ILRUN: variants seen among roughly 807,000 people sequenced by gnomAD.
The protein encoded by ILRUN is protein ILRUN.
In ILRUN, 3 loss-of-function variants were observed where a neutral mutation model predicts 33.8. That is an observed-to-expected ratio of 0.09 (90% confidence interval 0.04 to 0.23). The LOEUF (loss-of-function observed/expected upper bound fraction) is 0.23, where lower values mean the gene tolerates loss of function less well. Ranked by LOEUF, ILRUN falls within the 10% of genes least tolerant of loss-of-function variation. The pLI, the probability that ILRUN is intolerant of heterozygous loss-of-function variation, is 1.00. For synonymous variants in ILRUN, 124 were observed against 138.9 expected, an observed-to-expected ratio of 0.89 and a Z score of 0.75; for missense variants, 210 against 375.1, an observed-to-expected ratio of 0.56 and a Z score of 3.64.
chr6:34,620,865 T>C (rs1473156312), intron 3 of ILRUN, among the ~76,000 whole-genome samples: 1 of 152,244 alleles, frequency 6.6e-6, no homozygotes, highest in African/African-American at 2.4e-5. Context: ...TGATAAATTA[T>C]GTTGATAACA....
At chr6:34,674,072 C>A (rs1014357320) in intron 1 of ILRUN, among the ~76,000 whole-genome samples, 1 of 152,118 alleles carries the variant, frequency 6.6e-6, no homozygotes, top group African/African-American at 2.4e-5. Flanking sequence ...CTGTCACCCA[C>A]GCTGGAGGGC....
At chr6:34,679,551 C>T (rs187942379) in intron 1 of ILRUN, among the ~76,000 whole-genome samples, 70 of 152,226 alleles carry the variant, frequency 4.6e-4, no homozygotes, top group African/African-American at 1.7e-3. Flanking sequence ...TAGAATACTA[C>T]AAAATCTTTA....
At chr6:34,684,672 G>C (rs1763477761) in intron 1 of ILRUN, among the ~76,000 whole-genome samples, 1 of 152,072 alleles carries the variant, frequency 6.6e-6, no homozygotes, top group South Asian at 2.1e-4. Context: ...CTAAGAACAG[G>C]ATCAGTATGT....
intron 1 of ILRUN, 110 bp from the exon 2 acceptor site, chr6:34,654,889 C>T: frequency 5.8e-6 from 6 of 1,038,772 alleles, no homozygotes; most frequent in Non-Finnish European, 8.2e-6. Flanking sequence ...GAACCTGAGG[C>T]TCCTGGTATA....
At chr6:34,689,057 C>G (rs1763590192) in intron 1 of ILRUN, among the ~76,000 whole-genome samples, 1 of 152,126 alleles carries the variant, frequency 6.6e-6, no homozygotes, top group Non-Finnish European at 1.5e-5. Context: ...GTCCTTTACA[C>G]CGGCTTAATG....
At chr6:34,695,175 C>T (rs1448076214) in intron 1 of ILRUN, among the ~76,000 whole-genome samples, 1 of 152,072 alleles carries the variant, frequency 6.6e-6, no homozygotes, top group Non-Finnish European at 1.5e-5. Flanking sequence ...AGTAGGCTTA[C>T]AGCCTCTTTT....
At chr6:34,637,223 G>A (rs1762382372) in intron 3 of ILRUN, among the ~76,000 whole-genome samples, 1 of 152,086 alleles carries the variant, frequency 6.6e-6, no homozygotes, top group South Asian at 2.1e-4. Context: ...TCTGGCCTAA[G>A]CTATAGTCCT....
chr6:34,619,936 G>C (rs527642296), intron 3 of ILRUN, among the ~76,000 whole-genome samples: 1 of 143,114 alleles, frequency 7.0e-6, no homozygotes, highest in Non-Finnish European at 1.5e-5. Flanking sequence ...AGTGAGCCAA[G>C]ATTGCACCAC....
chr6:34,589,122 G>C lies in ILRUN; in HGVS notation c.*1443C>G, dbSNP rs1371513453. The C allele has an allele frequency of 2.0e-5, 3 of 153,232 alleles. No individual in the cohort carries two copies. Among genetic ancestry groups the C allele is most frequent in the Non-Finnish European group, 4.4e-5 (3 of 68,512 alleles). The allele number at this position is 153,232 out of a possible 1,614,324, so 9.5% of individuals were successfully genotyped here. A position where few individuals can be genotyped will look rare whatever the true frequency, so the allele number is the denominator to read the frequency against. ...AACTAAGACTTGAGGGAAGGAGGGG[G>C]GTAAGAGGGACTTTGCATATTCTTG... On this transcript the variant is annotated 3_prime_UTR_variant, in exon 5 of 5. Coordinates refer to ENST00000374023, the MANE Select transcript of ILRUN (RefSeq NM_024294.4).
intron 1 of ILRUN, among the ~76,000 whole-genome samples, chr6:34,660,822 G>A (rs1762872480): frequency 6.6e-6 from 1 of 152,154 alleles, no homozygotes; most frequent in South Asian, 2.1e-4. Context: ...AAGAAACTAA[G>A]ACTTTCATTG....
chr6:34,653,147 A>AG (rs1762702695), intron 2 of ILRUN, among the ~76,000 whole-genome samples: 1 of 145,810 alleles, frequency 6.9e-6, no homozygotes, highest in South Asian at 2.1e-4. Flanking sequence ...AAAAAAAAAA[A>AG]AAAAGAAAAA....
At chr6:34,681,357 T>C (rs1232968523) in intron 1 of ILRUN, among the ~76,000 whole-genome samples, 3 of 152,162 alleles carry the variant, frequency 2.0e-5, no homozygotes, top group African/African-American at 4.8e-5. Flanking sequence ...CTGCCCCCCC[T>C]CCCAAGACAA....
intron 1 of ILRUN, among the ~76,000 whole-genome samples, chr6:34,691,679 C>T (rs1763652953): frequency 6.6e-6 from 1 of 151,992 alleles, no homozygotes; most frequent in South Asian, 2.1e-4. Flanking sequence ...GCCCACAGTC[C>T]CAGCTACTCG....
intron 3 of ILRUN, among the ~76,000 whole-genome samples, chr6:34,640,757 G>A (rs936488443): frequency 6.6e-6 from 1 of 151,178 alleles, no homozygotes; most frequent in Admixed American, 6.6e-5. Context: ...ATTAAAGGGA[G>A]TGGATTCTTT....
At position 34,590,344 on chromosome 6, in the gene ILRUN, T is replaced by C; in HGVS notation, c.*221A>G. 2.3e-6 allele frequency: 1 copy of C among 436,522 alleles called. No individual in the cohort carries two copies. Among genetic ancestry groups the C allele is most frequent in the Non-Finnish European group, 3.9e-6 (1 of 254,992 alleles). The allele number at this position is 436,522 out of a possible 1,614,324, so 27.0% of individuals were successfully genotyped here. Reference sequence around the variant, plus strand: ...CCAAAGTGGCTGCATGGATTTCTTCTTGGTAGCCTCAACACCATTCCTGTG... The same window carrying C: ...CCAAAGTGGCTGCATGGATTTCTTCCTGGTAGCCTCAACACCATTCCTGTG... On this transcript the variant is annotated 3_prime_UTR_variant, in exon 5 of 5. Transcript: ENST00000374023.
intron 4 of ILRUN, among the ~76,000 whole-genome samples, chr6:34,606,225 CAAT>C (rs1381000225): frequency 2.6e-5 from 4 of 152,078 alleles, no homozygotes; most frequent in Admixed American, 1.3e-4. Flanking sequence ...AGCCCAACAA[CAAT>C]ATTTAGAATA....
chr6:34,612,591 C>T (rs1421673136), intron 3 of ILRUN, among the ~76,000 whole-genome samples: 1 of 152,106 alleles, frequency 6.6e-6, no homozygotes, highest in African/African-American at 2.4e-5. Context: ...CATAGCTTTC[C>T]TATTTCTTAA....
At chr6:34,607,397 G>A (rs1761656789) in intron 3 of ILRUN, among the ~76,000 whole-genome samples, 1 of 152,132 alleles carries the variant, frequency 6.6e-6, no homozygotes, top group South Asian at 2.1e-4. Context: ...GTGAAAGAGG[G>A]ACCTATTAAT....
intron 4 of ILRUN, among the ~76,000 whole-genome samples, chr6:34,603,416 C>T (rs1246942004): frequency 1.3e-5 from 2 of 152,142 alleles, no homozygotes; most frequent in Non-Finnish European, 2.9e-5. Flanking sequence ...GGGCGGATCA[C>T]GGGGTCAGGA....
Sources: allele counts gnomAD v4.1 joint callset (sites outside exome capture counted in the v4.1 genomes callset), GRCh38; gene constraint gnomAD v4.1.1; transcripts MANE v1.5; gene names NCBI Gene and HGNC (gene_info 2026-07-23, HGNC 2026-07-21).